The following DRC7 variants were observed in gnomAD, a reference collection of about 807,000 sequenced individuals.
DRC7 encodes dynein regulatory complex subunit 7, also known as coiled-coil domain containing 135.
A neutral mutation model predicts 104.4 loss-of-function variants in DRC7; 80 were observed. The ratio of observed to expected loss-of-function variants is 0.77; its 90% CI spans 0.64 to 0.92. The LOEUF is 0.92. Ranked by LOEUF, DRC7 falls within the 40% of genes least tolerant of loss-of-function variation. The pLI is 0.00. For synonymous variants in DRC7, 405 were observed against 447.3 expected (o/e 0.91, Z 1.19); for missense variants, 1,034 against 1,141.1 (o/e 0.91, Z 1.35).
chr16:57,712,231 G>C (rs1567878866), intron 8 of DRC7, among the ~76,000 whole-genome samples: 1 of 152,206 alleles, frequency 6.6e-6, no homozygotes, highest in Non-Finnish European at 1.5e-5. Flanking sequence ...TTGTGCAAAG[G>C]CGGTTTCAAG....
chr16:57,729,763 T>G (rs867036617), intron 17 of DRC7, among the ~76,000 whole-genome samples: 1 of 82,868 alleles, frequency 1.2e-5, no homozygotes, highest in Non-Finnish European at 2.3e-5. Flanking sequence ...GGTGGGTGGA[T>G]GGATGAGTGG....
At chr16:57,714,263 C>T (rs560767354) in intron 8 of DRC7, 1 of 185,338 alleles carries the variant, frequency 5.4e-6, no homozygotes, top group Admixed American at 6.2e-5. Flanking sequence ...GTGTCTTATT[C>T]CTCACCTCCT....
chr16:57,730,883 A>G, intron 17 of DRC7, 48 bp from the exon 18 acceptor site: 1 of 1,602,152 alleles, frequency 6.2e-7, no homozygotes, highest in African/African-American at 1.3e-5. Context: ...AGCCTGGGTG[A>G]AGGTCAGCCT....
At chr16:57,701,844 C>T (rs2048661467) in intron 5 of DRC7, 92 bp from the exon 6 acceptor site, 2 of 1,159,938 alleles carry the variant, frequency 1.7e-6, no homozygotes. Context: ...GGTCCTGGCT[C>T]CCCACCCTGA....
intron 8 of DRC7, among the ~76,000 whole-genome samples, chr16:57,716,502 G>GAAA (rs57994446): frequency 0.017 from 2,030 of 118,782 alleles, 53 homozygotes; most frequent in African/African-American, 0.06. Context: ...GACTCCATCT[G>GAAA]AAAAAAAAAA....
Position 57,697,927 on chromosome 16 carries a change from C to T in DRC7, c.-23C>T. Reference sequence around the variant, plus strand: ...CTTCCCCACAGAGACATTCCATCTCCAGACACCCAGAGACGCTCCAGAATG... The same window carrying T: ...CTTCCCCACAGAGACATTCCATCTCTAGACACCCAGAGACGCTCCAGAATG... On this transcript the variant is annotated 5_prime_UTR_variant, in exon 3 of 19. Coordinates refer to ENST00000360716, the MANE Select transcript of DRC7 (RefSeq NM_001289162.2). 6.2e-7 allele frequency: 1 copy of T among 1,606,426 alleles called. No individual in the cohort carries two copies. Among genetic ancestry groups the T allele is most frequent in the Non-Finnish European group, 8.5e-7 (1 of 1,176,374 alleles).
At chr16:57,730,487 C>G (rs1386912808) in intron 17 of DRC7, among the ~76,000 whole-genome samples, 2 of 151,980 alleles carry the variant, frequency 1.3e-5, no homozygotes, top group Non-Finnish European at 2.9e-5. Flanking sequence ...AGATGGTACA[C>G]TGTAACAACT....
At chr16:57,700,824 C>G (rs72795520) in intron 5 of DRC7, among the ~76,000 whole-genome samples, 18,434 of 152,142 alleles carry the variant, frequency 0.12, 1,176 homozygotes, top group Non-Finnish European at 0.14. Context: ...TGGTTCCTCA[C>G]AGGCTGAGTA....
intron 11 of DRC7, 52 bp downstream of exon 11, chr16:57,722,893 G>A (rs760208698): frequency 3.8e-5 from 61 of 1,612,258 alleles, no homozygotes; most frequent in South Asian, 7.7e-5. Flanking sequence ...GGGCGGGGGC[G>A]GCTTCTACTC....
At chr16:57,699,073 G>T (rs758230440) in intron 4 of DRC7, 49 bp downstream of exon 4, 65 of 1,593,770 alleles carry the variant, frequency 4.1e-5, no homozygotes, top group Non-Finnish European at 3.5e-5. Context: ...GGGCTGGAGA[G>T]CAGAGGGCAC....
intron 7 of DRC7, among the ~76,000 whole-genome samples, chr16:57,705,717 C>CCCAT (rs2048710486): frequency 8.1e-6 from 1 of 122,908 alleles, no homozygotes; most frequent in Admixed American, 8.2e-5. Flanking sequence ...CCATCATCCT[C>CCCAT]CCATCCATCC....
chr16:57,729,786 A>G (rs1393473795), intron 17 of DRC7, among the ~76,000 whole-genome samples: 43 of 61,336 alleles, frequency 7.0e-4, no homozygotes, highest in South Asian at 1.3e-3. Flanking sequence ...GGGTGGGTGG[A>G]TGGGTGGATG....
In DRC7 at chr16:57,722,802, G is replaced by A. The variant is rs148191268; in HGVS notation, c.1369G>A (p.Gly457Ser). 4 of 1,613,778 alleles carry A rather than the reference G, an allele frequency of 2.5e-6. No homozygotes were observed. The African/African-American group carries it at 4.0e-5, about 16-fold the overall frequency. The change falls in exon 11 of 19, where the codon GGC becomes AGC. Residue 457 changes from glycine to serine, a missense_variant. By Grantham distance (56) the Gly-to-Ser change is moderately conservative. Transcript: ENST00000360716. ...GTGGGCCCCGTACCTCAATAGCAAT[G>A]GCCTTGTGAGCCGCCTCACCACCTA... is the stretch of plus-strand genomic sequence containing the variant. ...EKWAPYLNSN[G>S]LVSRLTTYED...
At chr16:57,705,866 T>C (rs28972506) in intron 7 of DRC7, among the ~76,000 whole-genome samples, 67,468 of 114,770 alleles carry the variant, frequency 0.59, 19,999 homozygotes, top group African/African-American at 0.79. Context: ...TCCTACCCAC[T>C]TATTCTCCCA....
chr16:57,720,420 C>T (rs2048890642), intron 9 of DRC7, among the ~76,000 whole-genome samples: 1 of 152,236 alleles, frequency 6.6e-6, no homozygotes, highest in South Asian at 2.1e-4. Context: ...ATCTTGTGTG[C>T]AGTAAATCCA....
intron 8 of DRC7, among the ~76,000 whole-genome samples, chr16:57,709,669 C>T (rs1487418614): frequency 6.6e-6 from 1 of 152,086 alleles, no homozygotes; most frequent in African/African-American, 2.4e-5. Flanking sequence ...ATTGACATAA[C>T]ATAAATCCAC....
chr16:57,724,679 T>A lies in DRC7; in HGVS notation c.1602T>A (p.Arg534=). The A allele has an allele frequency of 6.2e-7, 1 of 1,613,860 alleles. No homozygotes were observed. The highest frequency in any genetic ancestry group is 1.6e-4 in the Middle Eastern group (1 of 6,062). The change falls in exon 13 of 19, where the codon CGT becomes CGA. Residue 534 remains arginine, a synonymous_variant. Transcript: ENST00000360716. Reference sequence around the variant, plus strand: ...TCATTGAGTTTTATGAAACGGCCCGTGTGGATGGCCTGATGAAGCGGGAGG... The same window carrying A: ...TCATTGAGTTTTATGAAACGGCCCGAGTGGATGGCCTGATGAAGCGGGAGG... ...DRVIEFYETA[R]VDGLMKREET...
chr16:57,698,896 T>C lies in DRC7; in HGVS notation c.250T>C (p.Tyr84His). The C allele has an allele frequency of 5.0e-6, 8 of 1,614,128 alleles. No individual in the cohort carries two copies. Among genetic ancestry groups the C allele is most frequent in the Non-Finnish European group, 6.8e-6 (8 of 1,180,002 alleles). Residue 84 changes from tyrosine (Y) to histidine (H), a missense_variant, in exon 4 of 19, where the codon TAC becomes CAC. By Grantham distance (83) the Tyr-to-His change is moderately conservative (BLOSUM62 2). Transcript: ENST00000360716. ...TGACATCTCCAAGCTGCCCATTTCC[T>C]ACAAAACCAACACACCCAAGGAGGA... ...TIDISKLPIS[Y>H]KTNTPKEEHL...
At chr16:57,725,973 C>G in intron 13 of DRC7, 95 bp from the exon 14 acceptor site, 1 of 1,050,216 alleles carries the variant, frequency 9.5e-7, no homozygotes, top group Non-Finnish European at 1.4e-6. Context: ...ACTCCAGTGT[C>G]CTGAACGTTC....
Sources: allele counts gnomAD v4.1 joint callset (sites outside exome capture counted in the v4.1 genomes callset), GRCh38; gene constraint gnomAD v4.1.1; transcripts MANE v1.5; gene names NCBI Gene and HGNC (gene_info 2026-07-23, HGNC 2026-07-21).